Variants in LAMB4 observed in about 807,000 individuals in gnomAD.
LAMB4 encodes the protein laminin subunit beta 4, also known as laminin subunit beta-4.
A neutral mutation model predicts 199.2 loss-of-function variants in LAMB4; 196 were observed. The observed-to-expected ratio is 0.98, with a 90% CI of 0.88 to 1.11. The LOEUF is 1.11. LAMB4 is among the 50% of genes least tolerant of loss of function. The pLI, the probability that LAMB4 is intolerant of heterozygous loss-of-function variation, is 0.00. For missense variants in LAMB4, 2,080 were observed against 2,171.2 expected, an observed-to-expected ratio of 0.96 and a Z score of 0.83; for synonymous variants, 744 against 770.6, an observed-to-expected ratio of 0.97 and a Z score of 0.57.
chr7:108,103,844 G>A (rs1311094440), intron 9 of LAMB4, among the ~76,000 whole-genome samples: 1 of 152,136 alleles, frequency 6.6e-6, no homozygotes. Flanking sequence ...ATATTCCCCG[G>A]TCTTGTATAC....
chr7:108,097,874 T>A (rs2037671486), intron 11 of LAMB4, among the ~76,000 whole-genome samples: 1 of 152,212 alleles, frequency 6.6e-6, no homozygotes, highest in South Asian at 2.1e-4. Flanking sequence ...TTCTTGCCAT[T>A]TCCCCGTGTT....
chr7:108,120,069 A>G (rs561389085), intron 2 of LAMB4, among the ~76,000 whole-genome samples: 1 of 152,352 alleles, frequency 6.6e-6, no homozygotes, highest in African/African-American at 2.4e-5. Flanking sequence ...TTTATCCTTG[A>G]GACATGAAAA....
chr7:108,093,933 A>C (rs1314739711), intron 12 of LAMB4, among the ~76,000 whole-genome samples: 1 of 152,222 alleles, frequency 6.6e-6, no homozygotes. Context: ...TTTAAGAAAA[A>C]AAAATGATGT....
At chr7:108,107,441 T>G (rs2038062782) in intron 6 of LAMB4, among the ~76,000 whole-genome samples, 190 bp downstream of exon 6, 1 of 152,238 alleles carries the variant, frequency 6.6e-6, no homozygotes, top group East Asian at 1.9e-4. Flanking sequence ...AGCACTCTTG[T>G]GCAGGATTGC....
intron 13 of LAMB4, among the ~76,000 whole-genome samples, chr7:108,092,062 C>T (rs532192198): frequency 1.3e-5 from 2 of 150,970 alleles, no homozygotes; most frequent in Admixed American, 6.6e-5. Flanking sequence ...TTTAGGATCT[C>T]TCTTTACAAC....
intron 10 of LAMB4, 114 bp downstream of exon 10, chr7:108,102,930 A>C: frequency 1.2e-6 from 1 of 853,742 alleles, no homozygotes. Context: ...CCACTCTCCA[A>C]AATAGGGTAG....
At chr7:108,029,586 G>A (rs1055003370) in intron 32 of LAMB4, among the ~76,000 whole-genome samples, 7 of 152,118 alleles carry the variant, frequency 4.6e-5, no homozygotes, top group Non-Finnish European at 7.4e-5. Context: ...AATGAAGGAC[G>A]GAGTGAGTGA....
chr7:108,105,701 A>C, intron 8 of LAMB4, 116 bp downstream of exon 8: 1 of 880,256 alleles, frequency 1.1e-6, no homozygotes, highest in East Asian at 2.6e-5. Flanking sequence ...CCATCTCAGC[A>C]TAAAACTGGC....
chr7:108,098,377 C>CCCT (rs113314402), intron 11 of LAMB4, 26 bp downstream of exon 11: 7,765 of 1,444,162 alleles, frequency 5.4e-3, no homozygotes, highest in Non-Finnish European at 6.4e-3. Flanking sequence ...GATGGACACT[C>CCCT]CCCCGACCCC....
Position 108,105,934 on chromosome 7 carries a change from T to C in LAMB4, c.753A>G (p.Lys251=). The C allele has an allele frequency of 6.2e-7, 1 of 1,614,206 alleles. No individual in the cohort carries two copies. Reference sequence around the variant, plus strand: ...TCATCTCGTACAGAGCATAGTAGTATTTATCAAGGGAATCATTTTGCCTCC... The same window carrying C: ...TCATCTCGTACAGAGCATAGTAGTACTTATCAAGGGAATCATTTTGCCTCC... ...LGRRQNDSLD[K]YYYALYEMIV... The change falls in exon 8 of 34, where the codon AAA becomes AAG. Residue 251 remains lysine, a synonymous_variant. Transcript: ENST00000388781.
At chr7:108,076,903 T>G in intron 17 of LAMB4, 41 bp downstream of exon 17, 1 of 1,606,960 alleles carries the variant, frequency 6.2e-7, no homozygotes, top group Non-Finnish European at 8.5e-7. Flanking sequence ...TAACGGTGCT[T>G]AGTAGCGAAG....
At chr7:108,046,308 C>G (rs1306619131) in intron 28 of LAMB4, among the ~76,000 whole-genome samples, 2 of 145,840 alleles carry the variant, frequency 1.4e-5, no homozygotes, top group East Asian at 4.1e-4. Flanking sequence ...CCAGGCTGGT[C>G]TCGAACTCCT....
intron 33 of LAMB4, among the ~76,000 whole-genome samples, chr7:108,025,414 T>TTTCTTTCC: frequency 7.9e-6 from 1 of 126,996 alleles, no homozygotes; most frequent in East Asian, 2.0e-4. Flanking sequence ...TCTTTCTTTC[T>TTTCTTTCC]TTCTTCTTTC....
In LAMB4 at chr7:108,105,984, T is replaced by A; in HGVS notation, c.703A>T (p.Thr235Ser). ...CTTCCAAGCAAAGCATCCCCAAGGG[T>A]GTGGAGCTTGGTAAAGTTTATCCTC... is the stretch of plus-strand genomic sequence containing the variant. The part of the protein sequence containing the change: ...NLRINFTKLH[T>S]LGDALLGRRQ... Residue 235 changes from threonine (T) to serine (S), a missense_variant, in exon 8 of 34, where the codon ACC (threonine) becomes TCC (serine). Thr to Ser is a moderately conservative substitution (Grantham distance 58). Transcript: ENST00000388781. 6.2e-7 allele frequency: 1 copy of A among 1,614,096 alleles called. No homozygotes were observed. The highest frequency in any genetic ancestry group is 8.5e-7 in the Non-Finnish European group (1 of 1,179,986).
At chr7:108,105,048 C>T (rs1447286133) in intron 8 of LAMB4, among the ~76,000 whole-genome samples, 6 of 152,082 alleles carry the variant, frequency 3.9e-5, no homozygotes, top group Non-Finnish European at 8.8e-5. Context: ...CCCAAAAATG[C>T]TCTAAATGGC....
intron 26 of LAMB4, 58 bp from the exon 27 acceptor site, chr7:108,049,589 TAA>T (rs1156842672): frequency 3.3e-6 from 3 of 913,870 alleles, no homozygotes; most frequent in Non-Finnish European, 3.3e-6. Context: ...AAATTATATA[TAA>T]GTTATTAAGA....
chr7:108,020,884 C>CA (rs2034678687), downstream of LAMB4, among the ~76,000 whole-genome samples: 1 of 151,262 alleles, frequency 6.6e-6, no homozygotes, highest in Non-Finnish European at 1.5e-5. Context: ...GATAAACAGG[C>CA]AAAAAAGGGG....
At chr7:108,116,210 A>AT (rs2038402992) in intron 2 of LAMB4, 49 bp from the exon 3 acceptor site, 1 of 1,546,668 alleles carries the variant, frequency 6.5e-7, no homozygotes, top group African/African-American at 1.4e-5. Flanking sequence ...TAAGGACAGC[A>AT]CAGGGCCTGC....
intron 6 of LAMB4, among the ~76,000 whole-genome samples, chr7:108,107,317 C>T (rs1233791909): frequency 6.6e-6 from 1 of 152,206 alleles, no homozygotes; most frequent in African/African-American, 2.4e-5. Flanking sequence ...TAATGTCAGG[C>T]TGCTGCTAGC....
Sources: gnomAD v4.1 joint callset for allele counts (sites outside exome capture counted in the v4.1 genomes callset) on GRCh38, gnomAD v4.1.1 for gene constraint, MANE v1.5 for transcripts, NCBI Gene and HGNC (gene_info 2026-07-23, HGNC 2026-07-21) for gene names.